The following CDK14 variants were observed in gnomAD, a reference collection of about 807,000 sequenced individuals.
CDK14 encodes the protein cyclin dependent kinase 14.
In CDK14, 34 loss-of-function variants were observed where a neutral mutation model predicts 60.7. The observed-to-expected ratio is 0.56, with a 90% CI of 0.43 to 0.75. The LOEUF is 0.75. Among genes scored for constraint, CDK14 ranks in the 30% least tolerant of loss-of-function variants. The probability of loss-of-function intolerance (pLI) is 0.00; values close to 1 mark genes in which losing one functional copy is unlikely to be tolerated. For missense variants in CDK14, 482 were observed against 564.1 expected, an observed-to-expected ratio of 0.85 and a Z score of 1.47; for synonymous variants, 197 against 203.7, an observed-to-expected ratio of 0.97 and a Z score of 0.28.
intron 2 of CDK14, among the ~76,000 whole-genome samples, chr7:90,668,699 CTTT>C (rs59773768): frequency 1.5e-4 from 13 of 87,526 alleles, no homozygotes; most frequent in African/African-American, 3.5e-4. Context: ...GACTCGCATT[CTTT>C]TTTTTTTTTT....
intron 3 of CDK14, among the ~76,000 whole-genome samples, chr7:90,728,418 C>T (rs968697374): frequency 1.3e-5 from 2 of 151,034 alleles, no homozygotes; most frequent in Non-Finnish European, 3.0e-5. Context: ...TTTTTCCTAC[C>T]TTCTGGGTTT....
chr7:91,002,669 C>T lies in CDK14; in HGVS notation c.1041+18428C>T, dbSNP rs565596493. Among the ~76,000 whole-genome samples, 9 of 152,210 alleles carry T rather than the reference C, an allele frequency of 5.9e-5. No individual in the cohort carries two copies. The South Asian group carries it at 1.9e-3, about 32-fold the overall frequency. On this transcript the variant is annotated intron_variant, in intron 10 of 14. Transcript: ENST00000380050. ...CACCTTCAGGGATCTCACAGTCTGGCCAAGGAGAAAGATAGGAGGCAGATA... is the reference window on the plus strand; with the variant it reads ...CACCTTCAGGGATCTCACAGTCTGGTCAAGGAGAAAGATAGGAGGCAGATA...
intron 3 of CDK14, among the ~76,000 whole-genome samples, chr7:90,733,828 G>A (rs1442721195): frequency 6.6e-6 from 1 of 152,034 alleles, no homozygotes; most frequent in East Asian, 1.9e-4. Flanking sequence ...TGTATTGTTA[G>A]GTGTGAATTC....
intron 5 of CDK14, among the ~76,000 whole-genome samples, chr7:90,858,209 C>G (rs905053250): frequency 6.6e-6 from 1 of 152,078 alleles, no homozygotes; most frequent in African/African-American, 2.4e-5. Context: ...ATATTAGTCA[C>G]TTTCAAGAAA....
intron 14 of CDK14, among the ~76,000 whole-genome samples, chr7:91,120,693 C>T (rs1231890389): frequency 6.6e-6 from 1 of 152,084 alleles, no homozygotes; most frequent in African/African-American, 2.4e-5. Flanking sequence ...CATACCACCA[C>T]GCCTGGCTAG....
intron 10 of CDK14, among the ~76,000 whole-genome samples, chr7:91,019,505 T>C (rs1266930359): frequency 6.6e-6 from 1 of 152,216 alleles, no homozygotes; most frequent in Non-Finnish European, 1.5e-5. Flanking sequence ...TGAAAGTAGA[T>C]GATTAACCAT....
Position 90,962,277 on chromosome 7 carries a change from A to T in CDK14, c.947+6460A>T, listed in dbSNP as rs185408392. Reference sequence around the variant, plus strand: ...CAAGGCGGGTGGATCACCTGAGGGCAGGAGTTCAAGACCAGTCCCATCAAC... The same window carrying T: ...CAAGGCGGGTGGATCACCTGAGGGCTGGAGTTCAAGACCAGTCCCATCAAC... On this transcript the variant is annotated intron_variant, in intron 9 of 14. Coordinates refer to ENST00000380050, the MANE Select transcript of CDK14 (RefSeq NM_001287135.2). 3.0e-3 allele frequency among the ~76,000 whole-genome samples: 451 copies of T among 152,260 alleles called. 2 individuals carry two copies. Among genetic ancestry groups the T allele is most frequent in the Non-Finnish European group, 4.8e-3 (325 of 68,008 alleles).
At chr7:91,194,646 A>G (rs1177739927) in intron 14 of CDK14, among the ~76,000 whole-genome samples, 2 of 152,180 alleles carry the variant, frequency 1.3e-5, no homozygotes, top group Non-Finnish European at 2.9e-5. Context: ...GTGCGATTTT[A>G]ATACCAACAG....
Position 91,010,837 on chromosome 7 carries a change from C to T in CDK14, c.1041+26596C>T, listed in dbSNP as rs1189490588. On this transcript the variant is annotated intron_variant, in intron 10 of 14. Coordinates refer to ENST00000380050, the MANE Select transcript of CDK14 (RefSeq NM_001287135.2). Reference sequence around the variant, plus strand: ...CCTTCCTTCCTTCCTTCCTTCCTCCCTCCCTCCCTCCCTCCCTCCCTCCCT... The same window carrying T: ...CCTTCCTTCCTTCCTTCCTTCCTCCTTCCCTCCCTCCCTCCCTCCCTCCCT... 2.0e-3 allele frequency among the ~76,000 whole-genome samples: 238 copies of T among 119,418 alleles called. 2 individuals are homozygous for T. Among genetic ancestry groups the T allele is most frequent in the African/African-American group, 7.4e-3 (225 of 30,344 alleles). 78.3% of individuals were successfully genotyped at this position (119,418 alleles called of 152,430 possible).
intron 2 of CDK14, among the ~76,000 whole-genome samples, chr7:90,631,477 T>C (rs1414743849): frequency 6.6e-6 from 1 of 152,162 alleles, no homozygotes; most frequent in African/African-American, 2.4e-5. Flanking sequence ...CAGAGTATGT[T>C]TTACCTTTCT....
chr7:90,742,631 A>G (rs551591996), intron 3 of CDK14, among the ~76,000 whole-genome samples: 1 of 152,106 alleles, frequency 6.6e-6, no homozygotes, highest in Non-Finnish European at 1.5e-5. Flanking sequence ...TCTAGCTGCC[A>G]TTAAAAGTCT....
At chr7:91,175,218 G>A (rs1391595851) in intron 14 of CDK14, among the ~76,000 whole-genome samples, 2 of 151,966 alleles carry the variant, frequency 1.3e-5, no homozygotes, top group Non-Finnish European at 2.9e-5. Flanking sequence ...AGCGTCATAA[G>A]TGAAGGAGAA....
intron 8 of CDK14, among the ~76,000 whole-genome samples, chr7:90,936,935 T>A (rs754233208): frequency 6.6e-6 from 1 of 151,970 alleles, no homozygotes; most frequent in Non-Finnish European, 1.5e-5. Context: ...TTTAATTAGA[T>A]GGGCGTGGTG....
At chr7:91,020,848 A>G (rs141844926) in intron 10 of CDK14, among the ~76,000 whole-genome samples, 9 of 152,320 alleles carry the variant, frequency 5.9e-5, no homozygotes, top group African/African-American at 2.2e-4. Flanking sequence ...TTACAAGGCT[A>G]CAGCGTGGGT....
intron 9 of CDK14, among the ~76,000 whole-genome samples, chr7:90,963,124 T>TGTGTGTGTGTGTGTG (rs1562847414): frequency 2.7e-5 from 4 of 150,556 alleles, no homozygotes; most frequent in South Asian, 2.1e-4. Flanking sequence ...TGTGTGTGTG[T>TGTGTGTGTGTGTGTG]TTTAATTTAG....
At chr7:91,067,613 A>C (rs531949646) in intron 11 of CDK14, among the ~76,000 whole-genome samples, 1 of 152,342 alleles carries the variant, frequency 6.6e-6, no homozygotes, top group South Asian at 2.1e-4. Context: ...CCATTGCCCA[A>C]TGTAGCACCT....
intron 5 of CDK14, among the ~76,000 whole-genome samples, chr7:90,801,285 A>G (rs1448396635): frequency 1.3e-5 from 2 of 152,346 alleles, no homozygotes; most frequent in East Asian, 1.9e-4. Flanking sequence ...AAGTTTGCAT[A>G]TAATAGACAA....
intron 3 of CDK14, among the ~76,000 whole-genome samples, chr7:90,736,342 A>ATT (rs1803106558): frequency 3.4e-5 from 3 of 87,084 alleles, no homozygotes; most frequent in Non-Finnish European, 6.3e-5. Context: ...GTACTTTATT[A>ATT]TGTTTTTGTT....
At chr7:91,114,237 C>T (rs1351203015) in intron 13 of CDK14, among the ~76,000 whole-genome samples, 1 of 152,156 alleles carries the variant, frequency 6.6e-6, no homozygotes, top group Non-Finnish European at 1.5e-5. Context: ...TCTATGAATT[C>T]TGAATTCTGT....
Sources: allele counts gnomAD v4.1 joint callset (sites outside exome capture counted in the v4.1 genomes callset), GRCh38; gene constraint gnomAD v4.1.1; transcripts MANE v1.5; gene names NCBI Gene and HGNC (gene_info 2026-07-23, HGNC 2026-07-21).